Variants in ARID3A observed in about 807,000 individuals in gnomAD.
ARID3A encodes the protein AT-rich interaction domain 3A.
ARID3A carries 11 observed loss-of-function variants against 52.7 expected under a neutral mutation model. The ratio of observed to expected loss-of-function variants is 0.21; its 90% CI spans 0.13 to 0.35. The LOEUF (loss-of-function observed/expected upper bound fraction) is 0.35. Among genes scored for constraint, ARID3A ranks in the 10% least tolerant of loss-of-function variants. The pLI is 1.00. For missense variants in ARID3A, 721 were observed against 838.5 expected, an observed-to-expected ratio of 0.86 and a Z score of 1.73; for synonymous variants, 404 against 359.4, an observed-to-expected ratio of 1.12 and a Z score of -1.40.
intron 3 of ARID3A, among the ~76,000 whole-genome samples, chr19:934,725 G>T (rs903967284): frequency 2.0e-5 from 3 of 152,168 alleles, no homozygotes; most frequent in Non-Finnish European, 4.4e-5. Flanking sequence ...AGGGCCTAGG[G>T]ATGGTCGTGG....
rs548854712 is a variant in ARID3A at position 929,991 on chromosome 19, C to T, written c.368+95C>T. 1.8e-5 allele frequency: 27 copies of T among 1,473,138 alleles called. No individual in the cohort carries two copies. The highest frequency in any genetic ancestry group is 1.0e-4 in the East Asian group (4 of 39,694). The allele number at this position is 1,473,138 out of a possible 1,614,324, so 91.3% of individuals were successfully genotyped here. ...CAGAATGGGAGTAAGGGTCAGGTCGCGGGATCTCCTTCCTGTAATTCCAGC... is the reference window on the plus strand; with the variant it reads ...CAGAATGGGAGTAAGGGTCAGGTCGTGGGATCTCCTTCCTGTAATTCCAGC... On this transcript the variant is annotated intron_variant, in intron 2 of 8. Transcript: ENST00000263620. This position sits in a 1 kb window ranked among gnomAD's most constrained non-coding sequence, Gnocchi z 6.2.
At chr19:952,481 CTCT>C (rs557471115) in intron 3 of ARID3A, among the ~76,000 whole-genome samples, 1,605 of 138,470 alleles carry the variant, frequency 0.012, 20 homozygotes, top group South Asian at 0.043. Context: ...AAGAAAATTT[CTCT>C]TCTTCTGACA....
At chr19:953,494 CG>C (rs1254870554) in intron 3 of ARID3A, among the ~76,000 whole-genome samples, 1 of 152,030 alleles carries the variant, frequency 6.6e-6, no homozygotes, top group African/African-American at 2.4e-5. Context: ...CGTGCAGAGC[CG>C]GGGGAGTGTC....
rs111897631 is a variant in ARID3A at position 926,819 on chromosome 19, C to A, written c.-268+760C>A. Among the ~76,000 whole-genome samples, 245 of 152,046 alleles carry A rather than the reference C, an allele frequency of 1.6e-3. 3 individuals carry two copies. Among genetic ancestry groups the A allele is most frequent in the African/African-American group, 5.5e-3 (230 of 41,498 alleles). ...GCGCGCGTTTGTCAACTCCAACGCT[C>A]GGCGCCGGCCCCGGGCGGCGGGTTC... On this transcript the variant is annotated intron_variant, in intron 1 of 8. Coordinates refer to ENST00000263620, the MANE Select transcript of ARID3A (RefSeq NM_005224.3).
At chr19:969,045 T>G (rs2038222473) in intron 8 of ARID3A, among the ~76,000 whole-genome samples, 1 of 152,100 alleles carries the variant, frequency 6.6e-6, no homozygotes, top group African/African-American at 2.4e-5. Flanking sequence ...ATGACGCCAC[T>G]GCACTCCAGC....
Position 935,245 on chromosome 19 carries a change from T to TGGCCAGGCCGCGGCGGGG in ARID3A, c.693+2508_693+2525dup, listed in dbSNP as rs1370512173. Among the ~76,000 whole-genome samples the TGGCCAGGCCGCGGCGGGG allele has an allele frequency of 6.3e-3, 963 of 152,186 alleles. 8 individuals are homozygous for TGGCCAGGCCGCGGCGGGG. The highest frequency in any genetic ancestry group is 0.021 in the African/African-American group (865 of 41,502). On this transcript the variant is annotated intron_variant, in intron 3 of 8. Coordinates refer to ENST00000263620, the MANE Select transcript of ARID3A (RefSeq NM_005224.3). ...TGCTGTCGGCTGCAGGTCTGGTGGG[T>TGGCCAGGCCGCGGCGGGG]GGCCAGGCCGCGGCGGGGGGCCGGG...
chr19:940,771 C>A (rs533240135), intron 3 of ARID3A, among the ~76,000 whole-genome samples: 2 of 152,102 alleles, frequency 1.3e-5, no homozygotes, highest in Non-Finnish European at 2.9e-5. Context: ...TCTTCCTGGG[C>A]CTCCGGGAGC....
intron 1 of ARID3A, 32 bp downstream of exon 1, chr19:926,091 C>T (rs1363150858): frequency 1.2e-5 from 1 of 81,008 alleles, no homozygotes; most frequent in Non-Finnish European, 2.6e-5. Context: ...CCCCGTGGGT[C>T]GGGGGCCGGG....
Position 974,400 on chromosome 19 carries a change from G to T in ARID3A, c.*2335G>T, listed in dbSNP as rs1453440718. The T allele has an allele frequency of 8.3e-5, 19 of 230,228 alleles. No homozygotes were observed. Among genetic ancestry groups the T allele is most frequent in the Non-Finnish European group, 8.6e-6 (1 of 116,234 alleles). 14.3% of individuals were successfully genotyped at this position (230,228 alleles called of 1,614,324 possible). A position where few individuals can be genotyped will look rare whatever the true frequency, so the allele number is the denominator to read the frequency against. On this transcript the variant is annotated 3_prime_UTR_variant, in exon 9 of 9. Coordinates refer to ENST00000263620, the MANE Select transcript of ARID3A (RefSeq NM_005224.3). ...TCTGTTTGCCTCCAGACACAATCGG[G>T]CCCCACTCGCAGAACCACCTGGACT...
chr19:943,031 G>T (rs1049296354), intron 3 of ARID3A, among the ~76,000 whole-genome samples: 1 of 152,164 alleles, frequency 6.6e-6, no homozygotes, highest in South Asian at 2.1e-4. Flanking sequence ...CGCTTTGGAA[G>T]GCCAAGACGG....
rs888243965 is a variant in ARID3A at position 947,399 on chromosome 19, G to A, written c.694-12693G>A. Among the ~76,000 whole-genome samples, 5 of 152,106 alleles carry A rather than the reference G, an allele frequency of 3.3e-5. No homozygotes were observed. Among genetic ancestry groups the A allele is most frequent in the South Asian group, 2.1e-4 (1 of 4,820 alleles). ...AGTGCCTGTCAGCTGATCCCACCCCGGCCACATCTCAGCACCAGGCCTGTC... is the reference window on the plus strand; with the variant it reads ...AGTGCCTGTCAGCTGATCCCACCCCAGCCACATCTCAGCACCAGGCCTGTC... On this transcript the variant is annotated intron_variant, in intron 3 of 8. Transcript: ENST00000263620. The surrounding 1 kb of genome is among the most constrained non-coding windows in gnomAD (Gnocchi z 6.3).
chr19:969,801 C>T (rs2145472812), intron 8 of ARID3A, among the ~76,000 whole-genome samples: 1 of 151,006 alleles, frequency 6.6e-6, no homozygotes, highest in East Asian at 2.0e-4. Flanking sequence ...GATTCTCCTG[C>T]CTCAGCCTCC....
chr19:929,834 C>T lies in ARID3A; in HGVS notation c.306C>T (p.Pro102=), dbSNP rs375849067. The T allele has an allele frequency of 1.2e-5, 18 of 1,545,152 alleles. No homozygotes were observed. The highest frequency in any genetic ancestry group is 2.7e-5 in the African/African-American group (2 of 73,106). ...CCCGGGAGGGGACACCGGGCTCACC[C>T]GGGCGAGGCAGAGAAGGGCCAGGAG... The part of the protein sequence containing the change: ...DAAREGTPGS[P]GRGREGPGEE... Residue 102 remains proline (P), a synonymous_variant, in exon 2 of 9, where the codon CCC becomes CCT. Coordinates refer to ENST00000263620, the MANE Select transcript of ARID3A (RefSeq NM_005224.3). This position sits in a 1 kb window ranked among gnomAD's most constrained non-coding sequence, Gnocchi z 6.2.
chr19:960,936 C>T lies in ARID3A; in HGVS notation c.766+772C>T, dbSNP rs2038027669. Among the ~76,000 whole-genome samples the T allele has an allele frequency of 1.3e-5, 2 of 152,152 alleles. No individual in the cohort carries two copies. Among genetic ancestry groups the T allele is most frequent in the Non-Finnish European group, 2.9e-5 (2 of 68,020 alleles). ...ACCAAGGGTAGCCGGGGTGTCCCAGCGGCCATTCCCAGGCCCCACCCCAGC... is the reference window on the plus strand; with the variant it reads ...ACCAAGGGTAGCCGGGGTGTCCCAGTGGCCATTCCCAGGCCCCACCCCAGC... On this transcript the variant is annotated intron_variant, in intron 4 of 8. Coordinates refer to ENST00000263620, the MANE Select transcript of ARID3A (RefSeq NM_005224.3). The surrounding 1 kb of genome is among the most constrained non-coding windows in gnomAD (Gnocchi z 4.3).
chr19:960,116 A>G lies in ARID3A; in HGVS notation c.718A>G (p.Lys240Glu). The change falls in exon 4 of 9, where the codon AAG (lysine) becomes GAG (glutamate). Residue 240 changes from lysine to glutamate, a missense_variant. Around this residue, in one of 5 missense-constraint regions of ARID3A, gnomAD observed 27 missense variants for 35.7 expected, o/e 0.76. Transcript: ENST00000263620. This position sits in a 1 kb window ranked among gnomAD's most constrained non-coding sequence, Gnocchi z 4.3. ...KQLYELDGDP[K>E]RKEFLDDLFS... Reference sequence around the variant, plus strand: ...GCTCTACGAACTCGACGGGGACCCCAAGAGGAAGGAATTCCTGGATGACTT... The same window carrying G: ...GCTCTACGAACTCGACGGGGACCCCGAGAGGAAGGAATTCCTGGATGACTT... The G allele has an allele frequency of 6.2e-7, 1 of 1,613,260 alleles. No individual in the cohort carries two copies. Among genetic ancestry groups the G allele is most frequent in the Non-Finnish European group, 8.5e-7 (1 of 1,179,546 alleles).
rs777695269 is a variant in ARID3A, at chr19:946,798, G to GTT, written c.694-13293_694-13292insTT. ...AAACTAAAATTCTGTTTGTTTGTTT[G>GTT]TGTGTGTGTGTGTGTGACAGGGTCT... On this transcript the variant is annotated intron_variant, in intron 3 of 8. Coordinates refer to ENST00000263620, the MANE Select transcript of ARID3A (RefSeq NM_005224.3). Among the ~76,000 whole-genome samples the GTT allele has an allele frequency of 5.3e-5, 8 of 149,842 alleles. No homozygotes were observed. The East Asian group carries it at 9.8e-4, about 18-fold the overall frequency.
chr19:969,688 TG>T (rs1399892721), intron 8 of ARID3A, among the ~76,000 whole-genome samples: 2 of 150,598 alleles, frequency 1.3e-5, no homozygotes, highest in South Asian at 4.2e-4. Context: ...TATATATAGT[TG>T]TTTTTTTTTT....
At chr19:954,261 CG>C (rs1432200435) in intron 3 of ARID3A, among the ~76,000 whole-genome samples, 1 of 152,194 alleles carries the variant, frequency 6.6e-6, no homozygotes, top group Non-Finnish European at 1.5e-5. Flanking sequence ...TGGCTCCACG[CG>C]CTCTGTGCCT....
At chr19:943,300 GTC>G (rs1316196248) in intron 3 of ARID3A, among the ~76,000 whole-genome samples, 1 of 151,654 alleles carries the variant, frequency 6.6e-6, no homozygotes, top group Non-Finnish European at 1.5e-5. Flanking sequence ...GGCGCGCAGT[GTC>G]TCATGCCTGT....
Sources: allele counts gnomAD v4.1 joint callset (sites outside exome capture counted in the v4.1 genomes callset), GRCh38; gene constraint gnomAD v4.1.1; regional missense constraint gnomAD v4.1.1; non-coding constraint Gnocchi (gnomAD v3.1); transcripts MANE v1.5; gene names NCBI Gene and HGNC (gene_info 2026-07-23, HGNC 2026-07-21).